The following TINAG variants were observed in gnomAD, a reference collection of about 807,000 sequenced individuals.
TINAG encodes tubulointerstitial nephritis antigen.
TINAG carries 83 observed loss-of-function variants against 72.7 expected under a neutral mutation model. The ratio of observed to expected loss-of-function variants is 1.14; its 90% confidence interval spans 0.96 to 1.37. TINAG has a LOEUF of 1.37. TINAG is among the 40% of genes most tolerant of loss of function. The pLI, the probability that TINAG is intolerant of heterozygous loss-of-function variation, is 0.00. For missense variants in TINAG, 685 were observed against 576.6 expected (o/e 1.19, Z -1.93); for synonymous variants, 234 against 189.9 (o/e 1.23, Z -1.91).
At chr6:54,328,548 C>A (rs1325937029) in intron 4 of TINAG, among the ~76,000 whole-genome samples, 1 of 151,998 alleles carries the variant, frequency 6.6e-6, no homozygotes, top group Non-Finnish European at 1.5e-5. Context: ...ATTCCAAAAA[C>A]CAGAATGCCT....
intron 10 of TINAG, among the ~76,000 whole-genome samples, chr6:54,385,879 A>ATTTT (rs557831982): frequency 0.021 from 1,706 of 80,748 alleles, 229 homozygotes; most frequent in African/African-American, 0.082. Context: ...AAAAAACATG[A>ATTTT]TTTTTTTTTT....
At chr6:54,352,584 A>G (rs1785292423) in intron 8 of TINAG, among the ~76,000 whole-genome samples, 1 of 151,822 alleles carries the variant, frequency 6.6e-6, no homozygotes, top group Non-Finnish European at 1.5e-5. Context: ...CTTGTGTGAC[A>G]AATTTAAAAG....
intron 10 of TINAG, among the ~76,000 whole-genome samples, chr6:54,383,918 G>A (rs1475915598): frequency 6.6e-6 from 1 of 151,970 alleles, no homozygotes; most frequent in African/African-American, 2.4e-5. Flanking sequence ...GTTTATTGCA[G>A]CACTGTTCAC....
At chr6:54,339,880 A>G (rs1450376641) in intron 4 of TINAG, among the ~76,000 whole-genome samples, 1 of 152,140 alleles carries the variant, frequency 6.6e-6, no homozygotes, top group Non-Finnish European at 1.5e-5. Context: ...TCCAAGCTTA[A>G]ATGGGTGGGG....
At chr6:54,318,996 G>A (rs892029198) in intron 1 of TINAG, among the ~76,000 whole-genome samples, 5 of 152,034 alleles carry the variant, frequency 3.3e-5, no homozygotes, top group Non-Finnish European at 1.5e-5. Context: ...ATGATTTGGG[G>A]TGGCTTGGTA....
chr6:54,330,783 G>A (rs1784720564), intron 4 of TINAG, among the ~76,000 whole-genome samples: 1 of 152,130 alleles, frequency 6.6e-6, no homozygotes, highest in Non-Finnish European at 1.5e-5. Context: ...TAACATCACT[G>A]ATACCACAGA....
At chr6:54,358,467 T>G (rs1438538643) in intron 9 of TINAG, among the ~76,000 whole-genome samples, 1 of 151,548 alleles carries the variant, frequency 6.6e-6, no homozygotes, top group Non-Finnish European at 1.5e-5. Flanking sequence ...ATGAATGAGT[T>G]TTTTCCTTAT....
intron 4 of TINAG, among the ~76,000 whole-genome samples, chr6:54,333,466 G>A (rs375096916): frequency 3.1e-4 from 47 of 151,830 alleles, no homozygotes; most frequent in Admixed American, 1.5e-3. Context: ...GGGGCCTGTC[G>A]GGGGATTGGG....
chr6:54,346,442 ATTAG>A (rs1390641006), intron 5 of TINAG, among the ~76,000 whole-genome samples: 3 of 151,872 alleles, frequency 2.0e-5, no homozygotes, highest in African/African-American at 7.2e-5. Context: ...ATATAATGAT[ATTAG>A]TTAACAATAT....
chr6:54,371,731 A>G (rs1003891068), intron 9 of TINAG, among the ~76,000 whole-genome samples: 2 of 152,016 alleles, frequency 1.3e-5, no homozygotes, highest in Non-Finnish European at 2.9e-5. Flanking sequence ...TTTGTTTAAG[A>G]AAGACACATA....
intron 7 of TINAG, among the ~76,000 whole-genome samples, chr6:54,350,691 C>T (rs192813278): frequency 1.8e-4 from 27 of 148,496 alleles, no homozygotes; most frequent in African/African-American, 6.2e-4. Flanking sequence ...CAGGTAAAAA[C>T]TTCATCTTCT....
chr6:54,325,813 G>T (rs913750841), intron 3 of TINAG, among the ~76,000 whole-genome samples: 13 of 152,102 alleles, frequency 8.5e-5, no homozygotes, highest in African/African-American at 3.1e-4. Flanking sequence ...TATTGAGATT[G>T]CACTTTAAAT....
chr6:54,388,676 T>G (rs543985689), intron 10 of TINAG, among the ~76,000 whole-genome samples: 1 of 152,202 alleles, frequency 6.6e-6, no homozygotes, highest in Admixed American at 6.5e-5. Flanking sequence ...TCCTTTGGCC[T>G]TCATGATATT....
Position 54,348,377 on chromosome 6 carries a change from C to T in TINAG, c.899+860C>T, listed in dbSNP as rs567841075. On this transcript the variant is annotated intron_variant, in intron 6 of 10. Coordinates refer to ENST00000259782, the MANE Select transcript of TINAG (RefSeq NM_014464.4). ...TTGTATTATGATAAAAAATAACAGCCCTTTAAGAACTTAAAAATGTAAATT... is the reference window on the plus strand; with the variant it reads ...TTGTATTATGATAAAAAATAACAGCTCTTTAAGAACTTAAAAATGTAAATT... 5.3e-5 allele frequency among the ~76,000 whole-genome samples: 8 copies of T among 152,174 alleles called. No individual in the cohort carries two copies. The East Asian group carries it at 1.4e-3, about 26-fold the overall frequency.
intron 4 of TINAG, among the ~76,000 whole-genome samples, chr6:54,329,062 C>T (rs6932646): frequency 1.3e-5 from 2 of 151,872 alleles, no homozygotes; most frequent in East Asian, 3.9e-4. Context: ...AGGATATTAT[C>T]CAGGAAAACT....
intron 4 of TINAG, among the ~76,000 whole-genome samples, chr6:54,333,286 C>A (rs1313407088): frequency 6.6e-6 from 1 of 152,064 alleles, no homozygotes; most frequent in Non-Finnish European, 1.5e-5. Context: ...TACTATGCAG[C>A]CATAAAAAGG....
At chr6:54,312,309 A>C (rs1784277082) in intron 1 of TINAG, among the ~76,000 whole-genome samples, 1 of 151,954 alleles carries the variant, frequency 6.6e-6, no homozygotes, top group Non-Finnish European at 1.5e-5. Flanking sequence ...TGTATTATAT[A>C]TTTTTAAAAT....
At chr6:54,351,003 A>G (rs912859788) in intron 7 of TINAG, among the ~76,000 whole-genome samples, 1 of 151,956 alleles carries the variant, frequency 6.6e-6, no homozygotes, top group African/African-American at 2.4e-5. Flanking sequence ...TACTAAAGCT[A>G]CTGAGACATC....
chr6:54,309,637 A>G (rs1225139165), intron 1 of TINAG, among the ~76,000 whole-genome samples: 1 of 152,186 alleles, frequency 6.6e-6, no homozygotes, highest in African/African-American at 2.4e-5. Context: ...GATTTTGAGC[A>G]TAGATGAGGC....
Sources: allele counts gnomAD v4.1 joint callset (sites outside exome capture counted in the v4.1 genomes callset), GRCh38; gene constraint gnomAD v4.1.1; transcripts MANE v1.5; gene names NCBI Gene and HGNC (gene_info 2026-07-23, HGNC 2026-07-21).